The following MICU2 variants were observed in gnomAD, a reference collection of about 807,000 sequenced individuals.
MICU2 encodes mitochondrial calcium uptake 2.
In MICU2, 64 loss-of-function variants were observed where a neutral mutation model predicts 60.4. The observed-to-expected ratio is 1.06, with a 90% CI of 0.87 to 1.31. MICU2 has a LOEUF of 1.31. Among genes scored for constraint, MICU2 ranks in the 50% most tolerant of loss-of-function variants. MICU2 has a pLI of 0.00. For synonymous variants in MICU2, 201 were observed against 175.0 expected, an observed-to-expected ratio of 1.15 and a Z score of -1.17; for missense variants, 569 against 531.0, an observed-to-expected ratio of 1.07 and a Z score of -0.70.
intron 1 of MICU2, among the ~76,000 whole-genome samples, chr13:21,597,119 C>T (rs1345104813): frequency 6.6e-6 from 1 of 152,058 alleles, no homozygotes. Context: ...ATTAAAAATG[C>T]TATCTTATAT....
At chr13:21,528,656 C>A (rs188203480) in intron 4 of MICU2, among the ~76,000 whole-genome samples, 2 of 152,144 alleles carry the variant, frequency 1.3e-5, no homozygotes, top group African/African-American at 4.8e-5. Context: ...CTAGCCATTG[C>A]GCTTAGACCT....
chr13:21,534,326 C>T (rs1416260591), intron 4 of MICU2, among the ~76,000 whole-genome samples: 1 of 152,004 alleles, frequency 6.6e-6, no homozygotes, highest in African/African-American at 2.4e-5. Context: ...CCACCTCAGC[C>T]TCCCAAATAG....
intron 8 of MICU2, among the ~76,000 whole-genome samples, chr13:21,503,528 C>T (rs1886229194): frequency 6.6e-6 from 1 of 152,124 alleles, no homozygotes; most frequent in Admixed American, 6.5e-5. Context: ...TTACTACTTC[C>T]TAATATTTTT....
chr13:21,548,921 G>GTTTTT (rs34908034), intron 2 of MICU2, among the ~76,000 whole-genome samples: 2 of 86,316 alleles, frequency 2.3e-5, no homozygotes, highest in Admixed American at 1.5e-4. Flanking sequence ...AAGTTTGAGA[G>GTTTTT]TTTTTTTTTT....
intron 6 of MICU2, 142 bp from the exon 7 acceptor site, chr13:21,514,560 G>C (rs1886518099): frequency 3.4e-6 from 2 of 587,052 alleles, no homozygotes; most frequent in Non-Finnish European, 5.9e-6. Flanking sequence ...TTGAGATGGA[G>C]TCTTACTCTG....
intron 6 of MICU2, among the ~76,000 whole-genome samples, chr13:21,517,090 A>G (rs1292792987): frequency 8.5e-5 from 13 of 152,222 alleles, no homozygotes. Context: ...TCACACAGAC[A>G]GTTGCTATTT....
At chr13:21,594,991 T>C (rs1490822146) in intron 1 of MICU2, among the ~76,000 whole-genome samples, 1 of 152,168 alleles carries the variant, frequency 6.6e-6, no homozygotes, top group Non-Finnish European at 1.5e-5. Context: ...ATGTATCCTG[T>C]TTTTGTTTTG....
intron 2 of MICU2, among the ~76,000 whole-genome samples, chr13:21,547,928 A>G (rs1887454301): frequency 6.6e-6 from 1 of 152,160 alleles, no homozygotes; most frequent in African/African-American, 2.4e-5. Context: ...CTGGAGATAT[A>G]GGTATGAAAA....
At chr13:21,588,137 A>G (rs142625461) in intron 1 of MICU2, among the ~76,000 whole-genome samples, 80 of 152,300 alleles carry the variant, frequency 5.3e-4, no homozygotes, top group African/African-American at 1.8e-3. Flanking sequence ...GACTGCCCCA[A>G]CCGGTTTTTG....
chr13:21,522,517 A>G (rs1593324544), intron 5 of MICU2, 86 bp downstream of exon 5: 5 of 1,029,626 alleles, frequency 4.9e-6, no homozygotes, highest in Non-Finnish European at 7.2e-6. Flanking sequence ...TTAATGATAA[A>G]GACATAAATG....
rs537785801 is a variant in MICU2 at position 21,547,927 on chromosome 13, T to C, written c.359-8239A>G. On this transcript the variant is annotated intron_variant, in intron 2 of 11. Coordinates refer to ENST00000382374, the MANE Select transcript of MICU2 (RefSeq NM_152726.3). ...AGGTGAGAGGTCTGATCTGGAGATA[T>C]AGGTATGAAAATCAGTGTTCAGGGA... Among the ~76,000 whole-genome samples, 7 of 152,198 alleles carry C rather than the reference T, an allele frequency of 4.6e-5. No individual in the cohort carries two copies. The East Asian group carries it at 5.8e-4, about 13-fold the overall frequency.
At chr13:21,590,208 C>T (rs982236181) in intron 1 of MICU2, among the ~76,000 whole-genome samples, 1 of 152,118 alleles carries the variant, frequency 6.6e-6, no homozygotes, top group Non-Finnish European at 1.5e-5. Flanking sequence ...GCCAAGTCAC[C>T]TACAAAGGGA....
rs144741778 is a variant in MICU2 at position 21,531,623 on chromosome 13, G to A, written c.466+7679C>T. ...TCCCTTAGCATCAACTCTTCCTTCA[G>A]TAGTACACGCGTCAAGATTTGTAGA... On this transcript the variant is annotated intron_variant, in intron 4 of 11. Transcript: ENST00000382374. Among the ~76,000 whole-genome samples the A allele has an allele frequency of 3.0e-3, 463 of 152,288 alleles. 2 individuals carry two copies. Among genetic ancestry groups the A allele is most frequent in the African/African-American group, 0.011 (443 of 41,546 alleles).
chr13:21,519,599 G>A (rs540110811), intron 6 of MICU2, among the ~76,000 whole-genome samples: 5 of 152,158 alleles, frequency 3.3e-5, no homozygotes, highest in Admixed American at 3.3e-4. Flanking sequence ...TCCCCTTTGG[G>A]GTCATATACT....
At chr13:21,517,799 A>G (rs9552441) in intron 6 of MICU2, among the ~76,000 whole-genome samples, 49,763 of 134,970 alleles carry the variant, frequency 0.37, 8,926 homozygotes, top group East Asian at 0.58. Flanking sequence ...ACACACACAC[A>G]CGCGCGCGCG....
chr13:21,562,191 T>C (rs1441354199), intron 2 of MICU2, among the ~76,000 whole-genome samples: 4 of 152,110 alleles, frequency 2.6e-5, no homozygotes, highest in Admixed American at 2.6e-4. Flanking sequence ...TGTGTCTTTA[T>C]AGCAGCATGA....
In MICU2 at chr13:21,592,266, G is replaced by A. The variant is rs552814518; in HGVS notation, c.210+11673C>T. On this transcript the variant is annotated intron_variant, in intron 1 of 11. Coordinates refer to ENST00000382374, the MANE Select transcript of MICU2 (RefSeq NM_152726.3). ...CGCAAATAAACTAGAAAATCTAGAAGAAATGGATAAATTCCTGGACACATA... is the reference window on the plus strand; with the variant it reads ...CGCAAATAAACTAGAAAATCTAGAAAAAATGGATAAATTCCTGGACACATA... Among the ~76,000 whole-genome samples, 3 of 152,228 alleles carry A rather than the reference G, an allele frequency of 2.0e-5. No homozygotes were observed. The East Asian group carries it at 5.8e-4, about 29-fold the overall frequency.
At chr13:21,553,644 G>T (rs1055169794) in intron 2 of MICU2, among the ~76,000 whole-genome samples, 1 of 152,048 alleles carries the variant, frequency 6.6e-6, no homozygotes, top group Non-Finnish European at 1.5e-5. Flanking sequence ...AAAATAACCA[G>T]CTAACATCAT....
chr13:21,542,248 G>A (rs960642932), intron 2 of MICU2, among the ~76,000 whole-genome samples: 1 of 152,206 alleles, frequency 6.6e-6, no homozygotes, highest in East Asian at 1.9e-4. Flanking sequence ...AGCAAAATAA[G>A]AGGTCCATGG....
Sources: allele counts gnomAD v4.1 joint callset (sites outside exome capture counted in the v4.1 genomes callset), GRCh38; gene constraint gnomAD v4.1.1; transcripts MANE v1.5; gene names NCBI Gene and HGNC (gene_info 2026-07-23, HGNC 2026-07-21).